Variants in ATP8B2 observed in about 807,000 individuals in gnomAD.
ATP8B2 encodes the protein ATPase phospholipid transporting 8B2, also known as phospholipid-transporting ATPase ID.
A neutral mutation model predicts 133.4 loss-of-function variants in ATP8B2; 70 were observed. The observed-to-expected ratio is 0.52, with a 90% confidence interval of 0.43 to 0.64. The LOEUF is 0.64. Ranked by LOEUF, ATP8B2 falls within the 30% of genes least tolerant of loss-of-function variation. The pLI, the probability that ATP8B2 is intolerant of heterozygous loss-of-function variation, is 0.00. For missense variants in ATP8B2, 1,101 were observed against 1,535.7 expected (o/e 0.72, Z 4.73); for synonymous variants, 517 against 589.5 (o/e 0.88, Z 1.78).
rs772993599 is a variant in ATP8B2, at chr1:154,344,490, G to A, written c.2131G>A (p.Glu711Lys). Residue 711 changes from glutamate to lysine, a missense_variant, in exon 20 of 28, where the codon GAG (glutamate) becomes AAG (lysine). By Grantham distance (56) the Glu-to-Lys change is moderately conservative. Transcript: ENST00000368489. This position sits in a 1 kb window ranked among gnomAD's most constrained non-coding sequence, Gnocchi z 4.1. Reference sequence around the variant, plus strand: ...TGGCCATACTGTCCTGGAGGTGCGGGAGGAGCTCAGGTAAACAAGAAGCCC... The same window carrying A: ...TGGCCATACTGTCCTGGAGGTGCGGAAGGAGCTCAGGTAAACAAGAAGCCC... ...VTGHTVLEVR[E>K]ELRKAREKMM... The A allele has an allele frequency of 1.2e-6, 2 of 1,614,170 alleles. No homozygotes were observed. The highest frequency in any genetic ancestry group is 1.7e-6 in the Non-Finnish European group (2 of 1,180,022).
In ATP8B2 at chr1:154,337,437, C is replaced by T. The variant is rs1236226083; in HGVS notation, c.927C>T (p.Tyr309=). 46 of 1,614,178 alleles carry T rather than the reference C, an allele frequency of 2.8e-5. No individual in the cohort carries two copies. The Admixed American group carries it at 7.5e-4, about 26-fold the overall frequency. ...AGGTGGGGATGCGTTTCCAGGTCTA[C>T]CTGCCGTGGGATGAGGCAGTGGACA... is the stretch of plus-strand genomic sequence containing the variant. ...EHEVGMRFQV[Y]LPWDEAVDSA... The change falls in exon 12 of 28, where the codon TAC becomes TAT. Residue 309 remains tyrosine, a synonymous_variant. Coordinates refer to ENST00000368489, the MANE Select transcript of ATP8B2 (RefSeq NM_001370597.1).
chr1:154,341,475 G>A, intron 13 of ATP8B2: 1 of 279,694 alleles, frequency 3.6e-6, no homozygotes, highest in Non-Finnish European at 7.0e-6. Flanking sequence ...CTGGGCGACA[G>A]AATGAGGCCC....
chr1:154,326,598 C>T (rs893894511), intron 1 of ATP8B2, among the ~76,000 whole-genome samples: 3 of 152,162 alleles, frequency 2.0e-5, no homozygotes, highest in Non-Finnish European at 4.4e-5. Flanking sequence ...TGATGGCCCC[C>T]CCAGAGGGGA....
intron 9 of ATP8B2, among the ~76,000 whole-genome samples, chr1:154,333,336 G>GA (rs151330490): frequency 0.16 from 23,083 of 146,222 alleles, 1,819 homozygotes; most frequent in African/African-American, 0.2. Flanking sequence ...GTCTCAAAAA[G>GA]AAAAAAAAAA....
intron 12 of ATP8B2, among the ~76,000 whole-genome samples, chr1:154,338,390 G>C (rs573302909): frequency 6.6e-6 from 1 of 152,298 alleles, no homozygotes; most frequent in South Asian, 2.1e-4. Flanking sequence ...GACTGGGCAC[G>C]GTGGCTCACA....
At chr1:154,337,816 G>T in intron 12 of ATP8B2, 1 of 1,266,628 alleles carries the variant, frequency 7.9e-7, no homozygotes, top group Non-Finnish European at 1.0e-6. Flanking sequence ...AGTGTGCTAG[G>T]TGCCATCACA....
rs772590940 is a variant in ATP8B2, at chr1:154,343,543, T to C, written c.1733T>C (p.Leu578Pro). 1.2e-6 allele frequency: 2 copies of C among 1,613,966 alleles called. No individual in the cohort carries two copies. The highest frequency in any genetic ancestry group is 1.7e-6 in the Non-Finnish European group (2 of 1,180,000). The change falls in exon 17 of 28, where the codon CTC (leucine) becomes CCC (proline). Residue 578 changes from leucine (L) to proline (P), a missense_variant. Leu to Pro is a moderately conservative substitution (Grantham distance 98). Transcript: ENST00000368489. This position sits in a 1 kb window ranked among gnomAD's most constrained non-coding sequence, Gnocchi z 5.8. ...DRLHHSTQEL[L>P]NTTMDHLNEY... Reference sequence around the variant, plus strand: ...CTGCACCACTCCACTCAAGAGCTGCTCAACACCACCATGGACCACCTTAAT... The same window carrying C: ...CTGCACCACTCCACTCAAGAGCTGCCCAACACCACCATGGACCACCTTAAT...
chr1:154,331,238 T>C lies in ATP8B2; in HGVS notation c.303+92T>C. 8.7e-7 allele frequency: 1 copy of C among 1,155,196 alleles called. No individual in the cohort carries two copies. The highest frequency in any genetic ancestry group is 1.2e-6 in the Non-Finnish European group (1 of 821,028). The allele number at this position is 1,155,196 out of a possible 1,614,324, so 71.6% of individuals were successfully genotyped here. ...TCATGGCCACCTTCATCCAGCACAATTTCTTGGTGACCTTGACATCCCTTA... is the reference window on the plus strand; with the variant it reads ...TCATGGCCACCTTCATCCAGCACAACTTCTTGGTGACCTTGACATCCCTTA... On this transcript the variant is annotated intron_variant, in intron 5 of 27. Transcript: ENST00000368489. This position sits in a 1 kb window ranked among gnomAD's most constrained non-coding sequence, Gnocchi z 4.8.
chr1:154,325,793 G>C (rs1263174467), intron 1 of ATP8B2, 91 bp downstream of exon 1: 1 of 152,676 alleles, frequency 6.5e-6, no homozygotes, highest in Admixed American at 6.5e-5. Flanking sequence ...GGCTGGAGGG[G>C]CCGGGGAGCG....
At position 154,345,890 on chromosome 1, in the gene ATP8B2, G is replaced by C. The variant is rs188299509; in HGVS notation, c.2778+7G>C. Reference sequence around the variant, plus strand: ...TATGGGGGTCTTTGATCAGGTATGGGGGAGTTTGATGATCAGATGGGATGC... The same window carrying C: ...TATGGGGGTCTTTGATCAGGTATGGCGGAGTTTGATGATCAGATGGGATGC... On this transcript the variant is annotated splice_region_variant and intron_variant, in intron 24 of 27. Coordinates refer to ENST00000368489, the MANE Select transcript of ATP8B2 (RefSeq NM_001370597.1). The surrounding 1 kb of genome is among the most constrained non-coding windows in gnomAD (Gnocchi z 5.6). 6.2e-7 allele frequency: 1 copy of C among 1,602,540 alleles called. No individual in the cohort carries two copies. Among genetic ancestry groups the C allele is most frequent in the African/African-American group, 1.3e-5 (1 of 74,764 alleles).
At position 154,342,941 on chromosome 1, in the gene ATP8B2, T is replaced by G; in HGVS notation, c.1433T>G (p.Met478Arg). The change falls in exon 15 of 28, where the codon ATG (methionine) becomes AGG (arginine). Residue 478 changes from methionine (M) to arginine (R), a missense_variant. By Grantham distance (91) the Met-to-Arg change is moderately conservative. Coordinates refer to ENST00000368489, the MANE Select transcript of ATP8B2 (RefSeq NM_001370597.1). ...FRLLSLCHTV[M>R]SEEKNEGELY... is the part of the protein sequence containing the mutation. Reference sequence around the variant, plus strand: ...CTCCTTTCCCTGTGTCATACTGTCATGTCAGAAGAAAAGAACGAAGGTGGG... The same window carrying G: ...CTCCTTTCCCTGTGTCATACTGTCAGGTCAGAAGAAAAGAACGAAGGTGGG... The G allele has an allele frequency of 6.2e-7, 1 of 1,614,144 alleles. No individual in the cohort carries two copies. Among genetic ancestry groups the G allele is most frequent in the South Asian group, 1.1e-5 (1 of 91,082 alleles).
chr1:154,348,371 G>A lies in ATP8B2; in HGVS notation c.3164-37G>A, dbSNP rs1041716335. On this transcript the variant is annotated intron_variant, in intron 26 of 27. Transcript: ENST00000368489. ...AATGGGAACGGGGAATGTCTGCCTC[G>A]TGACTCCCAAGGCCACTGACTCCTC... 5 of 1,573,066 alleles carry A rather than the reference G, an allele frequency of 3.2e-6. No homozygotes were observed. The African/African-American group carries it at 4.1e-5, about 13-fold the overall frequency.
In ATP8B2 at chr1:154,344,983, G is replaced by A; in HGVS notation, c.2299G>A (p.Glu767Lys). The A allele has an allele frequency of 6.2e-7, 1 of 1,613,232 alleles. No homozygotes were observed. The highest frequency in any genetic ancestry group is 2.2e-5 in the East Asian group (1 of 44,876). Residue 767 changes from glutamate to lysine, a missense_variant, in exon 22 of 28, where the codon GAG becomes AAG. Coordinates refer to ENST00000368489, the MANE Select transcript of ATP8B2 (RefSeq NM_001370597.1). This position sits in a 1 kb window ranked among gnomAD's most constrained non-coding sequence, Gnocchi z 4.1. ...CTCTGTGCTCCAGGCCCACGCACTG[G>A]AGGCAGACATGGAGCTGGAGTTTCT... ...INGHSLAHAL[E>K]ADMELEFLET...
rs1384363448 is a variant in ATP8B2, at chr1:154,346,231, G to C, written c.2779G>C (p.Asp927His). Residue 927 changes from aspartate to histidine, a missense_variant and splice_region_variant, in exon 25 of 28, where the codon GAT becomes CAT. Coordinates refer to ENST00000368489, the MANE Select transcript of ATP8B2 (RefSeq NM_001370597.1). The surrounding 1 kb of genome is among the most constrained non-coding windows in gnomAD (Gnocchi z 4.5). ...TATGCTACATGGTCCTCCCACACAGGATGTCCCCGAGCAGCGGAGCATGGA... is the reference window on the plus strand; with the variant it reads ...TATGCTACATGGTCCTCCCACACAGCATGTCCCCGAGCAGCGGAGCATGGA... Reference protein sequence around the residue: ...PVLAMGVFDQDVPEQRSMEYP... With the variant: ...PVLAMGVFDQHVPEQRSMEYP... 6.2e-7 allele frequency: 1 copy of C among 1,613,392 alleles called. No homozygotes were observed. The highest frequency in any genetic ancestry group is 8.5e-7 in the Non-Finnish European group (1 of 1,179,850).
chr1:154,343,600 G>C lies in ATP8B2; in HGVS notation c.1758+32G>C. 6.3e-7 allele frequency: 1 copy of C among 1,594,644 alleles called. No homozygotes were observed. The highest frequency in any genetic ancestry group is 8.6e-7 in the Non-Finnish European group (1 of 1,162,808). The stretch of plus-strand genomic sequence containing the variant: ...GTGAGGAGAGGAGGGGCCAGCCTGG[G>C]GGGTTCTACTCTTAGTGTGGGGGAG... On this transcript the variant is annotated intron_variant, in intron 17 of 27. Coordinates refer to ENST00000368489, the MANE Select transcript of ATP8B2 (RefSeq NM_001370597.1). This position sits in a 1 kb window ranked among gnomAD's most constrained non-coding sequence, Gnocchi z 5.8.
intron 11 of ATP8B2, among the ~76,000 whole-genome samples, chr1:154,336,967 T>A (rs967894978): frequency 2.0e-5 from 3 of 151,574 alleles, no homozygotes; most frequent in Admixed American, 6.6e-5. Context: ...GCTAATTTTT[T>A]TAATGTTTTT....
At position 154,334,251 on chromosome 1, in the gene ATP8B2, T is replaced by C; in HGVS notation, c.734T>C (p.Leu245Pro). The C allele has an allele frequency of 6.2e-7, 1 of 1,614,036 alleles. No homozygotes were observed. Among genetic ancestry groups the C allele is most frequent in the East Asian group, 2.2e-5 (1 of 44,880 alleles). The change falls in exon 10 of 28, where the codon CTG becomes CCG. Residue 245 changes from leucine (L) to proline (P), a missense_variant. Transcript: ENST00000368489. This position sits in a 1 kb window ranked among gnomAD's most constrained non-coding sequence, Gnocchi z 4.6. ...CGAAACACCGAGTGGTGCTTCGGGC[T>C]GGTCATCTTTGCAGGTGAGCCTCCT... ...VLRNTEWCFG[L>P]VIFAGPDTKL...
intron 1 of ATP8B2, among the ~76,000 whole-genome samples, chr1:154,327,101 CTG>C (rs1169221773): frequency 6.6e-6 from 1 of 152,210 alleles, no homozygotes; most frequent in Non-Finnish European, 1.5e-5. Context: ...TGGCCAGAAT[CTG>C]TAATTATAGA....
Position 154,348,931 on chromosome 1 carries a change from A to G in ATP8B2, c.3386A>G (p.Tyr1129Cys). The change falls in exon 28 of 28, where the codon TAT (tyrosine) becomes TGT (cysteine). Residue 1129 changes from tyrosine to cysteine, a missense_variant. Physicochemically the swap from Tyr to Cys is radical, Grantham distance 194. Transcript: ENST00000368489. ...CGCACTGGCTCCCGGCGCTCCGGCT[A>G]TGCCTTCTCCCATCAGGAGGGCTTC... ...VGRTGSRRSGYAFSHQEGFGE... is the reference protein window; with the variant it reads ...VGRTGSRRSGCAFSHQEGFGE... 2 of 1,614,206 alleles carry G rather than the reference A, an allele frequency of 1.2e-6. No individual in the cohort carries two copies. The highest frequency in any genetic ancestry group is 1.7e-6 in the Non-Finnish European group (2 of 1,180,026).
Sources: allele counts gnomAD v4.1 joint callset (sites outside exome capture counted in the v4.1 genomes callset), GRCh38; gene constraint gnomAD v4.1.1; non-coding constraint Gnocchi (gnomAD v3.1); transcripts MANE v1.5; gene names NCBI Gene and HGNC (gene_info 2026-07-23, HGNC 2026-07-21).